Variants in AK7 observed in about 807,000 individuals in gnomAD.
The protein encoded by AK7 is ATP-AMP transphosphorylase 7.
Under a neutral mutation model 96.6 loss-of-function variants are expected in AK7, and 78 were observed. The observed-to-expected ratio is 0.81, with a 90% CI of 0.67 to 0.97. The LOEUF is 0.97. AK7 is among the 50% of genes least tolerant of loss of function. The pLI is 0.00. For synonymous variants in AK7, 302 were observed against 317.2 expected (o/e 0.95, Z 0.51); for missense variants, 855 against 887.9 (o/e 0.96, Z 0.47).
intron 14 of AK7, among the ~76,000 whole-genome samples, chr14:96,477,357 G>A (rs575677695): frequency 2.8e-4 from 42 of 152,292 alleles, no homozygotes; most frequent in Non-Finnish European, 3.7e-4. Context: ...TAGAATGCAA[G>A]TAAACGAGAA....
chr14:96,474,501 C>T (rs181710064), intron 14 of AK7, among the ~76,000 whole-genome samples: 16 of 150,708 alleles, frequency 1.1e-4, no homozygotes, highest in Admixed American at 1.1e-3. Flanking sequence ...TGGCATGCAC[C>T]TGTAGTCCCA....
intron 4 of AK7, among the ~76,000 whole-genome samples, chr14:96,419,789 CTTT>C (rs5810772): frequency 7.5e-6 from 1 of 134,100 alleles, no homozygotes. Flanking sequence ...TCTTTCTTTT[CTTT>C]TTTTTTTTTT....
chr14:96,467,595 C>T (rs1198065752), intron 12 of AK7, among the ~76,000 whole-genome samples: 1 of 152,190 alleles, frequency 6.6e-6, no homozygotes, highest in African/African-American at 2.4e-5. Flanking sequence ...CCGCCTCGGC[C>T]TCCCAAAGTG....
intron 2 of AK7, chr14:96,398,999 A>G (rs1418602232): frequency 1.3e-5 from 2 of 150,744 alleles, no homozygotes; most frequent in Admixed American, 6.6e-5. Context: ...TTCATCCTTC[A>G]AGAGTTGTGT....
intron 4 of AK7, among the ~76,000 whole-genome samples, chr14:96,415,787 A>G (rs981839465): frequency 1.3e-5 from 2 of 149,538 alleles, no homozygotes; most frequent in South Asian, 2.1e-4. Flanking sequence ...TTAATTTAAT[A>G]CATTAATTAA....
chr14:96,430,465 G>A (rs1892289033), intron 5 of AK7, among the ~76,000 whole-genome samples: 1 of 152,134 alleles, frequency 6.6e-6, no homozygotes. Flanking sequence ...TGGGATTACA[G>A]GTGTGAGCCA....
At chr14:96,410,455 T>C (rs1269598331) in intron 4 of AK7, among the ~76,000 whole-genome samples, 1 of 152,184 alleles carries the variant, frequency 6.6e-6, no homozygotes, top group East Asian at 1.9e-4. Context: ...GATTCAACGA[T>C]GTCCTCAGTG....
chr14:96,448,455 T>C (rs947426020), intron 8 of AK7, among the ~76,000 whole-genome samples: 3 of 151,170 alleles, frequency 2.0e-5, no homozygotes, highest in African/African-American at 7.3e-5. Flanking sequence ...ATAGTGAGAC[T>C]CCCTCTCTAT....
intron 2 of AK7, among the ~76,000 whole-genome samples, chr14:96,404,167 A>AC (rs1252142972): frequency 2.6e-5 from 4 of 151,542 alleles, no homozygotes; most frequent in African/African-American, 9.7e-5. Context: ...AAAAAAAAAA[A>AC]AAAAAACACC....
chr14:96,442,544 A>G (rs113115430), intron 6 of AK7, among the ~76,000 whole-genome samples, 186 bp from the exon 7 acceptor site: 1 of 152,024 alleles, frequency 6.6e-6, no homozygotes. Context: ...AGGGCTACAC[A>G]CTATTTCTCT....
rs1019281021 is a variant in AK7 at position 96,469,507 on chromosome 14, G to A, written c.1358-1971G>A. 7.6e-4 allele frequency among the ~76,000 whole-genome samples: 27 copies of A among 35,416 alleles called. No individual in the cohort carries two copies. In the African/African-American group the frequency reaches 8.5e-3, roughly 11 times the overall value. The allele number at this position is 35,416 out of a possible 152,430, so 23.2% of individuals were successfully genotyped here. On this transcript the variant is annotated intron_variant, in intron 12 of 17. Transcript: ENST00000267584. Reference sequence around the variant, plus strand: ...ACCACTGCACTCCAGCCTGGGTAACGGATGAGACTCTGTCTCAAAAAACAA... The same window carrying A: ...ACCACTGCACTCCAGCCTGGGTAACAGATGAGACTCTGTCTCAAAAAACAA...
chr14:96,431,467 T>C (rs1168570365), intron 5 of AK7, among the ~76,000 whole-genome samples: 1 of 152,234 alleles, frequency 6.6e-6, no homozygotes, highest in Non-Finnish European at 1.5e-5. Context: ...GTGTCTTTGT[T>C]CTCATTGATT....
chr14:96,424,225 C>G lies in AK7; in HGVS notation c.609+3293C>G, dbSNP rs1389566883. The G allele has an allele frequency of 7.7e-5, 36 of 467,558 alleles. 1 individual carries two copies. In the South Asian group the frequency reaches 7.8e-4, roughly 10 times the overall value. The allele number at this position is 467,558 out of a possible 1,614,324, so 29.0% of individuals were successfully genotyped here. On this transcript the variant is annotated intron_variant, in intron 5 of 17. Transcript: ENST00000267584. ...CTGAGGTTCACCCGCGTGGCGGGGCCGAGCGGAGCGCGCAGCCGGGAGTGC... is the reference window on the plus strand; with the variant it reads ...CTGAGGTTCACCCGCGTGGCGGGGCGGAGCGGAGCGCGCAGCCGGGAGTGC...
At chr14:96,407,636 C>A (rs1467500881) in intron 3 of AK7, among the ~76,000 whole-genome samples, 1 of 138,956 alleles carries the variant, frequency 7.2e-6, no homozygotes, top group Non-Finnish European at 1.5e-5. Flanking sequence ...GGCTGGAGTG[C>A]AGTGGCGCAA....
At chr14:96,420,543 A>T (rs1187910896) in intron 4 of AK7, among the ~76,000 whole-genome samples, 2 of 149,572 alleles carry the variant, frequency 1.3e-5, no homozygotes, top group African/African-American at 5.1e-5. Flanking sequence ...GAAATGAAAT[A>T]TAATAAAATA....
Position 96,464,610 on chromosome 14 carries a change from T to A in AK7, c.1357+6398T>A, listed in dbSNP as rs1232331488. 2.6e-5 allele frequency among the ~76,000 whole-genome samples: 4 copies of A among 151,580 alleles called. No individual in the cohort carries two copies. In the South Asian group the frequency reaches 8.3e-4, roughly 32 times the overall value. On this transcript the variant is annotated intron_variant, in intron 12 of 17. Transcript: ENST00000267584. Reference sequence around the variant, plus strand: ...TAGTGTACTTTATTATAAAGGCTTATGGTCAACTTGTGACAGGCTATTAGT... The same window carrying A: ...TAGTGTACTTTATTATAAAGGCTTAAGGTCAACTTGTGACAGGCTATTAGT...
intron 9 of AK7, among the ~76,000 whole-genome samples, chr14:96,451,056 G>C (rs567612523): frequency 9.7e-4 from 147 of 152,296 alleles, no homozygotes; most frequent in Admixed American, 3.0e-3. Flanking sequence ...TTACAGGCAT[G>C]AGCCACGGCA....
intron 5 of AK7, among the ~76,000 whole-genome samples, chr14:96,426,296 CTA>C (rs1357318648): frequency 2.6e-5 from 4 of 152,164 alleles, no homozygotes; most frequent in Admixed American, 6.5e-5. Flanking sequence ...AAAAAGAAAA[CTA>C]ATAACACTAT....
intron 4 of AK7, among the ~76,000 whole-genome samples, chr14:96,419,503 G>A (rs1891543273): frequency 6.6e-6 from 1 of 151,978 alleles, no homozygotes; most frequent in African/African-American, 2.4e-5. Context: ...ATGGAGGTGT[G>A]TGCCTATATA....
Sources: allele counts gnomAD v4.1 joint callset (sites outside exome capture counted in the v4.1 genomes callset), GRCh38; gene constraint gnomAD v4.1.1; transcripts MANE v1.5; gene names NCBI Gene and HGNC (gene_info 2026-07-23, HGNC 2026-07-21).